RTN4RL1: variants seen among roughly 807,000 people sequenced by gnomAD.
RTN4RL1 encodes reticulon-4 receptor-like 1.
Under a neutral mutation model 25.6 loss-of-function variants are expected in RTN4RL1, and 7 were observed. That is an observed-to-expected ratio of 0.27 (90% CI 0.16 to 0.51). The LOEUF (loss-of-function observed/expected upper bound fraction) is 0.51, where lower values mean the gene tolerates loss of function less well. RTN4RL1 is among the 20% of genes least tolerant of loss of function. RTN4RL1 has a pLI of 0.97. For synonymous variants in RTN4RL1, 297 were observed against 288.2 expected, an observed-to-expected ratio of 1.03 and a Z score of -0.31; for missense variants, 500 against 615.6, an observed-to-expected ratio of 0.81 and a Z score of 1.99.
rs183913240 is a variant in RTN4RL1 at position 1,973,216 on chromosome 17, T to G, written c.14-35408A>C. Among the ~76,000 whole-genome samples the G allele has an allele frequency of 5.3e-5, 8 of 151,626 alleles. No individual in the cohort carries two copies. In the East Asian group the frequency reaches 1.6e-3, roughly 30 times the overall value. On this transcript the variant is annotated intron_variant, in intron 1 of 1. Coordinates refer to ENST00000331238, the MANE Select transcript of RTN4RL1 (RefSeq NM_178568.4). ...CGTCTCTACTAAAAATACAAAAAAATTAGCCGGGCGTAGTGGCAAACGCTT... is the reference window on the plus strand; with the variant it reads ...CGTCTCTACTAAAAATACAAAAAAAGTAGCCGGGCGTAGTGGCAAACGCTT...
chr17:1,979,474 CT>C (rs1436016489), intron 1 of RTN4RL1, among the ~76,000 whole-genome samples: 1 of 150,216 alleles, frequency 6.7e-6, no homozygotes, highest in African/African-American at 2.5e-5. Flanking sequence ...AAGACCCTGT[CT>C]AAAAAAAAGA....
intron 1 of RTN4RL1, among the ~76,000 whole-genome samples, chr17:2,006,372 G>A (rs969597038): frequency 6.6e-6 from 1 of 151,468 alleles, no homozygotes; most frequent in South Asian, 2.1e-4. Context: ...TGTTGGCCAG[G>A]CTGGTCTCCG....
chr17:1,958,290 A>G (rs1915829704), intron 1 of RTN4RL1, among the ~76,000 whole-genome samples: 1 of 152,192 alleles, frequency 6.6e-6, no homozygotes, highest in South Asian at 2.1e-4. Flanking sequence ...GTGGGAGGAG[A>G]CATCTCTCTC....
chr17:1,948,970 T>G (rs576710776), intron 1 of RTN4RL1, among the ~76,000 whole-genome samples: 3 of 151,902 alleles, frequency 2.0e-5, no homozygotes, highest in South Asian at 4.2e-4. Context: ...TTTTTGTTTT[T>G]TTTTGAGACG....
At chr17:2,009,446 GC>G in intron 1 of RTN4RL1, among the ~76,000 whole-genome samples, 1 of 69,680 alleles carries the variant, frequency 1.4e-5, no homozygotes, top group Non-Finnish European at 2.8e-5. Context: ...ACAAAAATTA[GC>G]TGGGCGTGGT....
rs1233965903 is a variant in RTN4RL1 at position 2,024,877 on chromosome 17, G to C, written c.-12C>G. The C allele has an allele frequency of 2.5e-6, 4 of 1,584,076 alleles. No homozygotes were observed. In the Admixed American group the frequency reaches 7.0e-5, roughly 28 times the overall value. ...CCTTTGCGAAGCATGTTGGCCACGG[G>C]GCCGCCGCTCCGAGGTCGGCCTAGG... is the stretch of plus-strand genomic sequence containing the variant. On this transcript the variant is annotated 5_prime_UTR_variant, in exon 1 of 2. Transcript: ENST00000331238.
chr17:1,962,429 C>T (rs1230810559), intron 1 of RTN4RL1, among the ~76,000 whole-genome samples: 1 of 150,708 alleles, frequency 6.6e-6, no homozygotes. Flanking sequence ...GCAATCTCAG[C>T]TCCCTGCAAC....
At chr17:1,954,982 C>T (rs1226519939) in intron 1 of RTN4RL1, among the ~76,000 whole-genome samples, 1 of 152,230 alleles carries the variant, frequency 6.6e-6, no homozygotes, top group East Asian at 1.9e-4. Flanking sequence ...CTCGGACCCT[C>T]TGCAGGATTT....
intron 1 of RTN4RL1, among the ~76,000 whole-genome samples, chr17:1,954,640 G>A (rs966727073): frequency 4.6e-5 from 7 of 151,958 alleles, no homozygotes; most frequent in Non-Finnish European, 7.4e-5. Flanking sequence ...CACCCGCCTC[G>A]GCCTCCCAAA....
Position 1,935,713 on chromosome 17 carries a change from A to ATATATATATATATATATATATATG in RTN4RL1, c.*782_*783insCATATATATATATATATATATATA, listed in dbSNP as rs1567845313. The ATATATATATATATATATATATATG allele has an allele frequency of 1.9e-5, 2 of 106,660 alleles. No homozygotes were observed. Among genetic ancestry groups the ATATATATATATATATATATATATG allele is most frequent in the East Asian group, 1.2e-3 (2 of 1,692 alleles). The allele number at this position is 106,660 out of a possible 1,614,324, so 6.6% of individuals were successfully genotyped here. A position where few individuals can be genotyped will look rare whatever the true frequency, so the allele number is the denominator to read the frequency against. On this transcript the variant is annotated 3_prime_UTR_variant, in exon 2 of 2. Transcript: ENST00000331238. ...TGGGAGGGGGACTGTGCATTTGTGT[A>ATATATATATATATATATATATATG]TATATATATATATATATATATATAT... is the stretch of plus-strand genomic sequence containing the variant.
chr17:2,018,989 G>A (rs1394328421), intron 1 of RTN4RL1: 1 of 152,246 alleles, frequency 6.6e-6, no homozygotes, highest in African/African-American at 2.4e-5. Context: ...AGCCCGAGGT[G>A]GCTGGGACTC....
At chr17:2,017,691 A>ACACACACACACACG (rs1212052404) in intron 1 of RTN4RL1, 5 of 138,306 alleles carry the variant, frequency 3.6e-5, no homozygotes, top group Non-Finnish European at 8.0e-5. Flanking sequence ...ATACACACAC[A>ACACACACACACACG]CACACACACA....
intron 1 of RTN4RL1, among the ~76,000 whole-genome samples, chr17:1,991,464 C>A (rs28423082): frequency 0.14 from 5,627 of 39,594 alleles, 378 homozygotes; most frequent in Non-Finnish European, 0.18. Flanking sequence ...AAAAAAAAAA[C>A]AAAAAAAAAC....
intron 1 of RTN4RL1, among the ~76,000 whole-genome samples, chr17:1,995,903 C>T (rs2066927614): frequency 6.6e-6 from 1 of 152,222 alleles, no homozygotes; most frequent in South Asian, 2.1e-4. Context: ...GCCAGCGTCT[C>T]CCCTGTTGGG....
chr17:1,936,345 A>C lies in RTN4RL1; in HGVS notation c.*151T>G, dbSNP rs991660760. 4.9e-6 allele frequency: 7 copies of C among 1,429,044 alleles called. No homozygotes were observed. Among genetic ancestry groups the C allele is most frequent in the Non-Finnish European group, 6.4e-6 (7 of 1,097,736 alleles). The allele number at this position is 1,429,044 out of a possible 1,614,324, so 88.5% of individuals were successfully genotyped here. A position where few individuals can be genotyped will look rare whatever the true frequency, so the allele number is the denominator to read the frequency against. Reference sequence around the variant, plus strand: ...TGTACACTTTGGGTTTATAATCCACATGGCAGGGTCCAGACGTCCAGACAG... The same window carrying C: ...TGTACACTTTGGGTTTATAATCCACCTGGCAGGGTCCAGACGTCCAGACAG... On this transcript the variant is annotated 3_prime_UTR_variant, in exon 2 of 2. Transcript: ENST00000331238.
chr17:1,990,431 C>T (rs985124155), intron 1 of RTN4RL1, among the ~76,000 whole-genome samples: 3 of 152,046 alleles, frequency 2.0e-5, no homozygotes, highest in African/African-American at 7.2e-5. Context: ...CATGGTGGCT[C>T]ACATCTGTAG....
At chr17:1,959,868 C>G (rs1712365252) in intron 1 of RTN4RL1, among the ~76,000 whole-genome samples, 1 of 152,164 alleles carries the variant, frequency 6.6e-6, no homozygotes, top group African/African-American at 2.4e-5. Flanking sequence ...CAGCCAGGCT[C>G]AGGTTTTAAA....
At position 1,998,804 on chromosome 17, in the gene RTN4RL1, G is replaced by A. The variant is rs1362553932; in HGVS notation, c.13+26049C>T. 6.6e-6 allele frequency among the ~76,000 whole-genome samples: 1 copy of A among 152,076 alleles called. No individual in the cohort carries two copies. The highest frequency in any genetic ancestry group is 2.4e-5 in the African/African-American group (1 of 41,406). Reference sequence around the variant, plus strand: ...GGTGGGGGTGGGGGTGGGGCTCTGCGAGGGCCCTAAAAACGCTGGGGACGC... The same window carrying A: ...GGTGGGGGTGGGGGTGGGGCTCTGCAAGGGCCCTAAAAACGCTGGGGACGC... On this transcript the variant is annotated intron_variant, in intron 1 of 1. Transcript: ENST00000331238. The surrounding 1 kb of genome is among the most constrained non-coding windows in gnomAD (Gnocchi z 4.9).
At position 1,994,981 on chromosome 17, in the gene RTN4RL1, T is replaced by C. The variant is rs928325869; in HGVS notation, c.13+29872A>G. On this transcript the variant is annotated intron_variant, in intron 1 of 1. Coordinates refer to ENST00000331238, the MANE Select transcript of RTN4RL1 (RefSeq NM_178568.4). The surrounding 1 kb of genome is among the most constrained non-coding windows in gnomAD (Gnocchi z 4.3). The stretch of plus-strand genomic sequence containing the variant: ...TGAGATGACAGAGGCTGTCAACAGA[T>C]GGCCAGAAATACTCCCAAGGCCCTG... Among the ~76,000 whole-genome samples, 3 of 150,670 alleles carry C rather than the reference T, an allele frequency of 2.0e-5. No homozygotes were observed. Among genetic ancestry groups the C allele is most frequent in the Non-Finnish European group, 2.9e-5 (2 of 67,818 alleles).
Sources: gnomAD v4.1 joint callset for allele counts (sites outside exome capture counted in the v4.1 genomes callset) on GRCh38, gnomAD v4.1.1 for gene constraint, Gnocchi (gnomAD v3.1) non-coding constraint, MANE v1.5 for transcripts, NCBI Gene and HGNC (gene_info 2026-07-23, HGNC 2026-07-21) for gene names.